The following GRIN2A variants were observed in gnomAD, a reference collection of about 807,000 sequenced individuals.
GRIN2A encodes the protein glutamate receptor ionotropic, NMDA 2A.
In GRIN2A, 22 loss-of-function variants were observed where a neutral mutation model predicts 113.4. The observed-to-expected ratio is 0.19, with a 90% CI of 0.14 to 0.28. GRIN2A has a LOEUF of 0.28. GRIN2A is among the 10% of genes least tolerant of loss of function. The probability of loss-of-function intolerance (pLI) is 1.00; values close to 1 mark genes in which losing one functional copy is unlikely to be tolerated. For synonymous variants in GRIN2A, 827 were observed against 738.4 expected, an observed-to-expected ratio of 1.12 and a Z score of -1.94; for missense variants, 1,502 against 1,887.0, an observed-to-expected ratio of 0.80 and a Z score of 3.78.
At chr16:9,876,697 C>T (rs112143054) in intron 4 of GRIN2A, among the ~76,000 whole-genome samples, 2,763 of 152,246 alleles carry the variant, frequency 0.018, 86 homozygotes, top group African/African-American at 0.059. Flanking sequence ...TCAGTGAATG[C>T]TTGGTAAACA....
intron 2 of GRIN2A, among the ~76,000 whole-genome samples, chr16:10,042,151 A>G (rs148786226): frequency 3.1e-3 from 476 of 152,336 alleles, no homozygotes; most frequent in Non-Finnish European, 5.0e-3. Flanking sequence ...TGTACCACAC[A>G]TAAGGTAGTT....
intron 2 of GRIN2A, among the ~76,000 whole-genome samples, chr16:10,138,286 A>C (rs527372714): frequency 4.6e-4 from 70 of 152,302 alleles, no homozygotes; most frequent in African/African-American, 1.6e-3. Flanking sequence ...GTATTGGTTC[A>C]TTTTCACAAT....
intron 2 of GRIN2A, among the ~76,000 whole-genome samples, chr16:9,958,144 T>A (rs1048138545): frequency 2.6e-5 from 4 of 152,216 alleles, no homozygotes; most frequent in East Asian, 1.9e-4. Flanking sequence ...AACTTCTGCA[T>A]AAGCGACTGT....
At chr16:9,972,389 A>G (rs532664407) in intron 2 of GRIN2A, among the ~76,000 whole-genome samples, 2 of 152,300 alleles carry the variant, frequency 1.3e-5, no homozygotes, top group Non-Finnish European at 2.9e-5. Flanking sequence ...AGCAAAAAAG[A>G]CTTACTTTAC....
At chr16:9,834,845 C>A (rs2042560626) in intron 7 of GRIN2A, among the ~76,000 whole-genome samples, 1 of 151,980 alleles carries the variant, frequency 6.6e-6, no homozygotes, top group South Asian at 2.1e-4. Context: ...AAAGAGGGAG[C>A]AAGTTAGAAT....
chr16:10,181,312 G>T (rs2142395562), intron 1 of GRIN2A, among the ~76,000 whole-genome samples: 1 of 152,338 alleles, frequency 6.6e-6, no homozygotes, highest in African/African-American at 2.4e-5. Flanking sequence ...CAGCGCGTAG[G>T]AGCTGGCAAA....
chr16:9,802,900 T>A (rs1903452099), intron 10 of GRIN2A, among the ~76,000 whole-genome samples: 1 of 152,190 alleles, frequency 6.6e-6, no homozygotes, highest in African/African-American at 2.4e-5. Context: ...AGCTGTTCTG[T>A]GGCAAGCAAG....
chr16:10,045,752 G>A (rs1006171030), intron 2 of GRIN2A, among the ~76,000 whole-genome samples: 1 of 152,216 alleles, frequency 6.6e-6, no homozygotes, highest in African/African-American at 2.4e-5. Context: ...TCATCTTGGG[G>A]TGCCCCACCC....
Position 9,759,415 on chromosome 16 carries a change from AC to A in GRIN2A, c.*3733del, listed in dbSNP as rs1162454462. The A allele has an allele frequency of 4.4e-6, 1 of 225,496 alleles. No homozygotes were observed. The highest frequency in any genetic ancestry group is 6.4e-5 in the East Asian group (1 of 15,578). 14.0% of individuals were successfully genotyped at this position (225,496 alleles called of 1,614,324 possible). On this transcript the variant is annotated 3_prime_UTR_variant, in exon 13 of 13. Coordinates refer to ENST00000330684, the MANE Select transcript of GRIN2A (RefSeq NM_001134407.3). ...GTGGTCGACATAGCAAATAGAATAA[AC>A]AATGTGTGACTATATGACAGCTGTG...
chr16:9,964,430 T>G (rs2045510368), intron 2 of GRIN2A, among the ~76,000 whole-genome samples: 1 of 152,208 alleles, frequency 6.6e-6, no homozygotes, highest in Non-Finnish European at 1.5e-5. Context: ...CATTTTCTAT[T>G]GCTGCTATGA....
intron 11 of GRIN2A, among the ~76,000 whole-genome samples, chr16:9,787,078 C>A (rs138939091): frequency 6.6e-6 from 1 of 152,014 alleles, no homozygotes; most frequent in South Asian, 2.1e-4. Flanking sequence ...GTTTCTTTGC[C>A]GTATTTTTAA....
intron 7 of GRIN2A, among the ~76,000 whole-genome samples, chr16:9,834,642 A>G (rs2042556595): frequency 6.6e-6 from 1 of 152,214 alleles, no homozygotes. Context: ...TCGGCCTCCC[A>G]AAGTGCTGGG....
chr16:10,015,831 T>A (rs2046599531), intron 2 of GRIN2A, among the ~76,000 whole-genome samples: 1 of 152,004 alleles, frequency 6.6e-6, no homozygotes, highest in South Asian at 2.1e-4. Context: ...AGAACCTCAT[T>A]AAACCATGTG....
intron 11 of GRIN2A, among the ~76,000 whole-genome samples, chr16:9,777,708 A>G (rs1901687124): frequency 1.3e-5 from 2 of 152,192 alleles, no homozygotes; most frequent in South Asian, 2.1e-4. Flanking sequence ...AGGCCACGTG[A>G]TTAGTCGCAC....
intron 2 of GRIN2A, among the ~76,000 whole-genome samples, chr16:10,146,357 A>G (rs2049439788): frequency 6.6e-6 from 1 of 152,140 alleles, no homozygotes; most frequent in African/African-American, 2.4e-5. Flanking sequence ...ACCTCAGGTG[A>G]TCCGCCCACC....
intron 2 of GRIN2A, among the ~76,000 whole-genome samples, chr16:10,119,082 C>T (rs2048781678): frequency 6.6e-6 from 1 of 152,180 alleles, no homozygotes; most frequent in Non-Finnish European, 1.5e-5. Flanking sequence ...AACACCATTA[C>T]ATCAGCAGGA....
intron 2 of GRIN2A, among the ~76,000 whole-genome samples, chr16:10,055,095 AAGAAAG>A (rs2047432183): frequency 1.1e-5 from 1 of 89,950 alleles, no homozygotes; most frequent in African/African-American, 4.7e-5. Flanking sequence ...AGAAAAAAGA[AAGAAAG>A]AAAGAAAAAA....
intron 11 of GRIN2A, 200 bp from the exon 12 acceptor site, chr16:9,769,289 T>C (rs1473253207): frequency 1.3e-5 from 6 of 459,458 alleles, no homozygotes; most frequent in Non-Finnish European, 1.2e-5. Flanking sequence ...ATTGTTGCAG[T>C]GAGGACAAAA....
intron 11 of GRIN2A, among the ~76,000 whole-genome samples, chr16:9,782,429 A>C (rs578149801): frequency 1.3e-5 from 2 of 152,316 alleles, no homozygotes; most frequent in East Asian, 3.9e-4. Context: ...GGACAACTGT[A>C]TATATAATAT....
Sources: gnomAD v4.1 joint callset for allele counts (sites outside exome capture counted in the v4.1 genomes callset) on GRCh38, gnomAD v4.1.1 for gene constraint, MANE v1.5 for transcripts, NCBI Gene and HGNC (gene_info 2026-07-23, HGNC 2026-07-21) for gene names.